Variants in GRK5 observed in about 807,000 individuals in gnomAD.
The protein encoded by GRK5 is g protein-coupled receptor kinase GRK5.
Under a neutral mutation model 78.4 loss-of-function variants are expected in GRK5, and 40 were observed. The observed-to-expected ratio is 0.51, with a 90% CI of 0.40 to 0.66. The LOEUF (loss-of-function observed/expected upper bound fraction) is 0.66. Among genes scored for constraint, GRK5 ranks in the 30% least tolerant of loss-of-function variants. The pLI is 0.00. For missense variants in GRK5, 598 were observed against 759.9 expected (o/e 0.79, Z 2.50); for synonymous variants, 289 against 296.8 (o/e 0.97, Z 0.27).
intron 1 of GRK5, among the ~76,000 whole-genome samples, chr10:119,266,188 G>C (rs910515362): frequency 2.0e-5 from 3 of 152,164 alleles, no homozygotes; most frequent in African/African-American, 7.2e-5. Flanking sequence ...GGGCGCGAAG[G>C]CTCACACCTG....
chr10:119,251,222 T>G (rs532618940), intron 1 of GRK5, among the ~76,000 whole-genome samples: 51 of 152,302 alleles, frequency 3.3e-4, no homozygotes, highest in African/African-American at 1.1e-3. Flanking sequence ...TTACAAGGAA[T>G]GTGAACCATT....
chr10:119,378,707 C>T lies in GRK5; in HGVS notation c.149-2108C>T, dbSNP rs1285553541. On this transcript the variant is annotated intron_variant, in intron 2 of 15. Transcript: ENST00000392870. This position sits in a 1 kb window ranked among gnomAD's most constrained non-coding sequence, Gnocchi z 4.5. ...GGGCTCTCGCTGCGTGGGGGGAAGGCGGTCTCAGCAGCCCTCGGCTGACCA... is the reference window on the plus strand; with the variant it reads ...GGGCTCTCGCTGCGTGGGGGGAAGGTGGTCTCAGCAGCCCTCGGCTGACCA... 2.0e-5 allele frequency among the ~76,000 whole-genome samples: 3 copies of T among 152,224 alleles called. No homozygotes were observed. Among genetic ancestry groups the T allele is most frequent in the African/African-American group, 7.2e-5 (3 of 41,464 alleles).
At chr10:119,233,111 C>G (rs1241501072) in intron 1 of GRK5, among the ~76,000 whole-genome samples, 1 of 152,162 alleles carries the variant, frequency 6.6e-6, no homozygotes, top group Non-Finnish European at 1.5e-5. Context: ...GTGAAGGGCT[C>G]CTCCATGCCA....
intron 1 of GRK5, among the ~76,000 whole-genome samples, chr10:119,244,355 A>G (rs553998480): frequency 1.3e-5 from 2 of 152,390 alleles, no homozygotes; most frequent in African/African-American, 4.8e-5. Flanking sequence ...GATGCAAAAT[A>G]TATAAGGAAC....
intron 1 of GRK5, among the ~76,000 whole-genome samples, chr10:119,291,906 C>T (rs989994229): frequency 6.7e-6 from 1 of 149,574 alleles, no homozygotes; most frequent in Admixed American, 6.7e-5. Context: ...CTTCTTCCTC[C>T]TCCTCCTCTT....
chr10:119,299,379 G>C (rs914913367), intron 1 of GRK5, among the ~76,000 whole-genome samples: 3 of 151,116 alleles, frequency 2.0e-5, no homozygotes, highest in Non-Finnish European at 2.9e-5. Flanking sequence ...GTTGCAGTGA[G>C]CCGAGATCAC....
At chr10:119,376,052 C>T (rs1851615741) in intron 2 of GRK5, among the ~76,000 whole-genome samples, 1 of 152,204 alleles carries the variant, frequency 6.6e-6, no homozygotes, top group South Asian at 2.1e-4. Context: ...ATTCCAGACT[C>T]CTGGCCTGAG....
In GRK5 at chr10:119,342,984, C is replaced by T. The variant is rs886498165; in HGVS notation, c.148+16373C>T. Among the ~76,000 whole-genome samples, 8 of 152,212 alleles carry T rather than the reference C, an allele frequency of 5.3e-5. No individual in the cohort carries two copies. In the East Asian group the frequency reaches 1.2e-3, roughly 22 times the overall value. On this transcript the variant is annotated intron_variant, in intron 2 of 15. Coordinates refer to ENST00000392870, the MANE Select transcript of GRK5 (RefSeq NM_005308.3). Reference sequence around the variant, plus strand: ...AGACATGTGGGGTGATAGCCAATCCCAGCCATGAGCCCCTATTCAGCTTTC... The same window carrying T: ...AGACATGTGGGGTGATAGCCAATCCTAGCCATGAGCCCCTATTCAGCTTTC...
chr10:119,423,666 G>A (rs1395761739), intron 5 of GRK5, among the ~76,000 whole-genome samples: 18 of 152,192 alleles, frequency 1.2e-4, no homozygotes, highest in Non-Finnish European at 1.5e-4. Flanking sequence ...CACGTCTGCC[G>A]TGCAGGAGGT....
chr10:119,372,933 G>T (rs1851568074), intron 2 of GRK5, among the ~76,000 whole-genome samples: 2 of 152,342 alleles, frequency 1.3e-5, no homozygotes, highest in South Asian at 4.1e-4. Flanking sequence ...AGGAATACAA[G>T]ACCTTGTGTT....
At chr10:119,350,118 CGGG>C (rs1851167191) in intron 2 of GRK5, among the ~76,000 whole-genome samples, 1 of 152,212 alleles carries the variant, frequency 6.6e-6, no homozygotes, top group Non-Finnish European at 1.5e-5. Flanking sequence ...CAGGCTGGGA[CGGG>C]GCTGGAGGCC....
intron 2 of GRK5, among the ~76,000 whole-genome samples, chr10:119,348,338 A>G (rs1437400094): frequency 6.6e-6 from 1 of 152,220 alleles, no homozygotes; most frequent in Admixed American, 6.5e-5. Context: ...CTTTTATGGA[A>G]CAATTGAACA....
In GRK5 at chr10:119,313,004, C is replaced by T. The variant is rs1454715781; in HGVS notation, c.53-13512C>T. Among the ~76,000 whole-genome samples the T allele has an allele frequency of 1.0e-3, 10 of 9,876 alleles. No individual in the cohort carries two copies. In the South Asian group the frequency reaches 0.026, roughly 26 times the overall value. The allele number at this position is 9,876 out of a possible 152,430, so 6.5% of individuals were successfully genotyped here. ...TGCTGATGGTGGTGGTAATGGTGGT[C>T]GTGACGGTGATGGTAGTGGTAATGG... is the stretch of plus-strand genomic sequence containing the variant. On this transcript the variant is annotated intron_variant, in intron 1 of 15. Coordinates refer to ENST00000392870, the MANE Select transcript of GRK5 (RefSeq NM_005308.3).
chr10:119,287,653 A>T (rs1426663866), intron 1 of GRK5, among the ~76,000 whole-genome samples: 1 of 151,880 alleles, frequency 6.6e-6, no homozygotes, highest in African/African-American at 2.4e-5. Flanking sequence ...CTCAACTGAT[A>T]TCTCACCTCT....
rs1056070474 is a variant in GRK5 at position 119,410,170 on chromosome 10, A to G, written c.340-12996A>G. Among the ~76,000 whole-genome samples the G allele has an allele frequency of 2.0e-5, 3 of 152,330 alleles. No homozygotes were observed. In the East Asian group the frequency reaches 5.8e-4, roughly 29 times the overall value. ...GGCCTCTCACTCCACGTCCGGGCAC[A>G]TTGCATTTTGTTAATTATCGTCTTT... is the stretch of plus-strand genomic sequence containing the variant. On this transcript the variant is annotated intron_variant, in intron 4 of 15. Coordinates refer to ENST00000392870, the MANE Select transcript of GRK5 (RefSeq NM_005308.3).
Position 119,445,230 on chromosome 10 carries a change from G to C in GRK5, c.1266+1478G>C, listed in dbSNP as rs549198922. On this transcript the variant is annotated intron_variant, in intron 12 of 15. Coordinates refer to ENST00000392870, the MANE Select transcript of GRK5 (RefSeq NM_005308.3). The surrounding 1 kb of genome is among the most constrained non-coding windows in gnomAD (Gnocchi z 4.1). Reference sequence around the variant, plus strand: ...GGAAATGTGGGTGTGAGCCATACTTGGCTGTCTCATTGGGAGATATCTGTC... The same window carrying C: ...GGAAATGTGGGTGTGAGCCATACTTCGCTGTCTCATTGGGAGATATCTGTC... Among the ~76,000 whole-genome samples the C allele has an allele frequency of 1.8e-3, 270 of 152,306 alleles. No individual in the cohort carries two copies. Among genetic ancestry groups the C allele is most frequent in the African/African-American group, 6.3e-3 (260 of 41,552 alleles).
At chr10:119,386,033 C>T (rs1333236108) in intron 3 of GRK5, among the ~76,000 whole-genome samples, 2 of 152,162 alleles carry the variant, frequency 1.3e-5, no homozygotes, top group Non-Finnish European at 2.9e-5. Flanking sequence ...TACAGGTACA[C>T]ACCACCACGC....
At chr10:119,447,368 C>T (rs1473449472) in intron 12 of GRK5, among the ~76,000 whole-genome samples, 4 of 152,184 alleles carry the variant, frequency 2.6e-5, no homozygotes, top group Non-Finnish European at 5.9e-5. Context: ...TGACCAGCCC[C>T]CTCCCCTTGA....
intron 1 of GRK5, among the ~76,000 whole-genome samples, chr10:119,282,948 T>A (rs1028758015): frequency 2.0e-5 from 3 of 152,162 alleles, no homozygotes; most frequent in Admixed American, 1.3e-4. Flanking sequence ...ATCCAGTCCC[T>A]CCTCTAGGCC....
Sources: allele counts gnomAD v4.1 joint callset (sites outside exome capture counted in the v4.1 genomes callset), GRCh38; gene constraint gnomAD v4.1.1; non-coding constraint Gnocchi (gnomAD v3.1); transcripts MANE v1.5; gene names NCBI Gene and HGNC (gene_info 2026-07-23, HGNC 2026-07-21).